The following DIP2B variants were observed in gnomAD, a reference collection of about 807,000 sequenced individuals.
DIP2B encodes the protein DIP2 acetate--CoA ligase B (putative).
Under a neutral mutation model 198.0 loss-of-function variants are expected in DIP2B, and 76 were observed. The ratio of observed to expected loss-of-function variants is 0.38; its 90% CI spans 0.32 to 0.46. DIP2B has a LOEUF of 0.46. Ranked by LOEUF, DIP2B falls within the 20% of genes least tolerant of loss-of-function variation. DIP2B has a pLI of 0.99. For missense variants in DIP2B, 1,559 were observed against 1,978.4 expected (o/e 0.79, Z 4.02); for synonymous variants, 701 against 739.1 (o/e 0.95, Z 0.84).
chr12:50,574,215 AATTAG>A (rs1304141763), intron 1 of DIP2B, among the ~76,000 whole-genome samples: 6 of 152,256 alleles, frequency 3.9e-5, no homozygotes, highest in African/African-American at 1.2e-4. Context: ...TACAATAGAT[AATTAG>A]ATTAATCTAA....
intron 1 of DIP2B, among the ~76,000 whole-genome samples, chr12:50,615,012 A>G (rs1937670666): frequency 6.6e-6 from 1 of 152,186 alleles, no homozygotes; most frequent in African/African-American, 2.4e-5. Context: ...TTTTATCTAG[A>G]CTATTGATAA....
chr12:50,643,950 A>G (rs2139490922), intron 3 of DIP2B, among the ~76,000 whole-genome samples: 1 of 152,358 alleles, frequency 6.6e-6, no homozygotes, highest in Middle Eastern at 3.4e-3. Flanking sequence ...AGTTGCTAGA[A>G]TTCAGAATAA....
At chr12:50,649,931 G>C (rs549575391) in intron 3 of DIP2B, among the ~76,000 whole-genome samples, 2 of 152,064 alleles carry the variant, frequency 1.3e-5, no homozygotes, top group South Asian at 4.1e-4. Flanking sequence ...AAACGAGCCC[G>C]TGCACTGTGG....
intron 1 of DIP2B, among the ~76,000 whole-genome samples, chr12:50,582,287 A>G (rs541609437): frequency 1.2e-3 from 184 of 150,278 alleles, no homozygotes; most frequent in African/African-American, 4.2e-3. Context: ...AGTAGCTGGG[A>G]TTACAGGTGC....
intron 1 of DIP2B, among the ~76,000 whole-genome samples, chr12:50,511,243 T>G (rs1429779643): frequency 6.9e-6 from 1 of 145,978 alleles, no homozygotes; most frequent in Non-Finnish European, 1.5e-5. Flanking sequence ...TGTGCCAGGC[T>G]CAAGTACCAC....
intron 22 of DIP2B, among the ~76,000 whole-genome samples, chr12:50,714,177 C>A (rs1939669512): frequency 6.6e-6 from 1 of 152,184 alleles, no homozygotes; most frequent in African/African-American, 2.4e-5. Context: ...TGTATCTTAC[C>A]TCTCTTCTTT....
rs183225652 is a variant in DIP2B, at chr12:50,639,200, T to A, written c.173-1524T>A. On this transcript the variant is annotated intron_variant, in intron 2 of 37. Coordinates refer to ENST00000301180, the MANE Select transcript of DIP2B (RefSeq NM_173602.3). ...TGCCTCCAGGTTCAAGTGATTCTCC[T>A]GCCTCAGCCTCCCCAAGTAGCTGAG... is the stretch of plus-strand genomic sequence containing the variant. Among the ~76,000 whole-genome samples, 10 of 151,854 alleles carry A rather than the reference T, an allele frequency of 6.6e-5. No homozygotes were observed. The East Asian group carries it at 1.4e-3, about 21-fold the overall frequency.
intron 1 of DIP2B, among the ~76,000 whole-genome samples, chr12:50,590,296 C>T (rs1179440519): frequency 6.6e-6 from 1 of 152,026 alleles, no homozygotes; most frequent in African/African-American, 2.4e-5. Flanking sequence ...TGCTTTCTCT[C>T]TGTTTTTGAA....
intron 1 of DIP2B, among the ~76,000 whole-genome samples, chr12:50,613,517 A>T (rs1175635540): frequency 6.6e-6 from 1 of 152,122 alleles, no homozygotes; most frequent in African/African-American, 2.4e-5. Flanking sequence ...AGGTATCTCT[A>T]AAGTCCTGCA....
chr12:50,570,437 G>A (rs186681087), intron 1 of DIP2B, among the ~76,000 whole-genome samples: 23 of 152,318 alleles, frequency 1.5e-4, no homozygotes, highest in South Asian at 2.1e-4. Flanking sequence ...ATGGCTGGGC[G>A]CAGTGGCCCA....
intron 17 of DIP2B, among the ~76,000 whole-genome samples, 168 bp downstream of exon 17, chr12:50,697,343 A>G (rs561363633): frequency 6.6e-6 from 1 of 152,202 alleles, no homozygotes; most frequent in Non-Finnish European, 1.5e-5. Flanking sequence ...GAAAAATTTA[A>G]TTGATATCAT....
At chr12:50,694,218 G>C (rs1309633997) in intron 14 of DIP2B, among the ~76,000 whole-genome samples, 1 of 152,066 alleles carries the variant, frequency 6.6e-6, no homozygotes, top group Non-Finnish European at 1.5e-5. Context: ...TACCACAGCC[G>C]GGCACTGTGA....
chr12:50,667,116 G>A (rs973327588), intron 4 of DIP2B, among the ~76,000 whole-genome samples: 5 of 152,138 alleles, frequency 3.3e-5, no homozygotes, highest in African/African-American at 9.6e-5. Flanking sequence ...CAGTTCATCC[G>A]CCTCAACCTC....
At chr12:50,717,344 CT>C (rs1405552229) in intron 23 of DIP2B, among the ~76,000 whole-genome samples, 1 of 138,434 alleles carries the variant, frequency 7.2e-6, no homozygotes, top group African/African-American at 2.7e-5. Flanking sequence ...GTGGCATGAT[CT>C]CAGCTCACTG....
intron 2 of DIP2B, among the ~76,000 whole-genome samples, chr12:50,639,794 A>C (rs1011004700): frequency 6.6e-6 from 1 of 152,184 alleles, no homozygotes; most frequent in Non-Finnish European, 1.5e-5. Flanking sequence ...ACATGGATGA[A>C]CCTGGAGGAC....
At chr12:50,601,895 C>T (rs1388008818) in intron 1 of DIP2B, among the ~76,000 whole-genome samples, 1 of 152,248 alleles carries the variant, frequency 6.6e-6, no homozygotes, top group Non-Finnish European at 1.5e-5. Flanking sequence ...TAGGCACCAT[C>T]TTCACCCCTG....
chr12:50,623,694 G>A (rs1185900068), intron 1 of DIP2B, among the ~76,000 whole-genome samples: 1 of 152,022 alleles, frequency 6.6e-6, no homozygotes, highest in Non-Finnish European at 1.5e-5. Context: ...TCTGCAGCTT[G>A]CCTTTTACAC....
At chr12:50,601,454 C>G (rs569101896) in intron 1 of DIP2B, among the ~76,000 whole-genome samples, 1 of 152,020 alleles carries the variant, frequency 6.6e-6, no homozygotes, top group South Asian at 2.1e-4. Flanking sequence ...ACGCCATTCT[C>G]CTGCCTCAGC....
At chr12:50,736,566 G>C (rs1399387256) in intron 34 of DIP2B, among the ~76,000 whole-genome samples, 1 of 152,130 alleles carries the variant, frequency 6.6e-6, no homozygotes, top group Non-Finnish European at 1.5e-5. Context: ...AGCTGCTGCT[G>C]TCCTCTGTCA....
Sources: allele counts gnomAD v4.1 joint callset (sites outside exome capture counted in the v4.1 genomes callset), GRCh38; gene constraint gnomAD v4.1.1; transcripts MANE v1.5; gene names NCBI Gene and HGNC (gene_info 2026-07-23, HGNC 2026-07-21).